The following RBFOX1 variants were observed in gnomAD, a reference collection of about 807,000 sequenced individuals.
RBFOX1 encodes RNA binding protein fox-1 homolog 1.
RBFOX1 carries 8 observed loss-of-function variants against 57.7 expected under a neutral mutation model. The ratio of observed to expected loss-of-function variants is 0.14; its 90% CI spans 0.08 to 0.25. The LOEUF is 0.25. Ranked by LOEUF, RBFOX1 falls within the 10% of genes least tolerant of loss-of-function variation. The pLI is 1.00. For synonymous variants in RBFOX1, 326 were observed against 222.4 expected, an observed-to-expected ratio of 1.47 and a Z score of -4.15; for missense variants, 611 against 548.5, an observed-to-expected ratio of 1.11 and a Z score of -1.14.
intron 3 of RBFOX1, among the ~76,000 whole-genome samples, chr16:6,678,003 C>G (rs1456964825): frequency 6.6e-6 from 1 of 152,158 alleles, no homozygotes; most frequent in African/African-American, 2.4e-5. Flanking sequence ...GTTACATTTT[C>G]TAGTAGCAAC....
chr16:6,452,868 A>G (rs1182813704), intron 2 of RBFOX1, among the ~76,000 whole-genome samples: 2 of 152,150 alleles, frequency 1.3e-5, no homozygotes, highest in East Asian at 3.9e-4. Context: ...TCCTGAGTAG[A>G]TATAAGATGG....
chr16:7,002,783 G>A lies in RBFOX1; in HGVS notation c.-15-49274G>A, dbSNP rs147710423. ...GCTTAAAATACACTTCCTGAATGTC[G>A]GCTTTGTTTGAGGAATGTGTTGTGG... On this transcript the variant is annotated intron_variant, in intron 3 of 15. Transcript: ENST00000550418. 5.2e-4 allele frequency among the ~76,000 whole-genome samples: 79 copies of A among 152,216 alleles called. No individual in the cohort carries two copies. In the East Asian group the frequency reaches 0.014, roughly 26 times the overall value.
intron 4 of RBFOX1, among the ~76,000 whole-genome samples, chr16:7,247,026 C>T (rs957048786): frequency 6.6e-6 from 1 of 152,126 alleles, no homozygotes; most frequent in Admixed American, 6.5e-5. Flanking sequence ...TGGCAGGTAA[C>T]AGTGAGCACT....
chr16:7,155,486 C>G (rs996161202), intron 4 of RBFOX1, among the ~76,000 whole-genome samples: 2 of 151,178 alleles, frequency 1.3e-5, no homozygotes, highest in Non-Finnish European at 2.9e-5. Flanking sequence ...GTCTCAGCTC[C>G]TTGGGAGGCT....
chr16:6,607,146 C>T (rs547892829), intron 2 of RBFOX1, among the ~76,000 whole-genome samples: 2 of 152,178 alleles, frequency 1.3e-5, no homozygotes, highest in Non-Finnish European at 1.5e-5. Flanking sequence ...TGCATTTTAG[C>T]AAGCTTCCTA....
rs541759578 is a variant in RBFOX1, at chr16:5,521,285, C to G, written c.258+54031C>G. Among the ~76,000 whole-genome samples, 10 of 151,324 alleles carry G rather than the reference C, an allele frequency of 6.6e-5. No homozygotes were observed. The East Asian group carries it at 1.9e-3, about 29-fold the overall frequency. Reference sequence around the variant, plus strand: ...TGCCCAGTGCTTTCTCAAGGGAGGCCCCTCAAGTTTGCACAACTGCTGCCC... The same window carrying G: ...TGCCCAGTGCTTTCTCAAGGGAGGCGCCTCAAGTTTGCACAACTGCTGCCC... On this transcript the variant is annotated intron_variant, in intron 2 of 2. Coordinates refer to the RBFOX1 transcript ENST00000585867.
chr16:6,059,282 A>C (rs1180236591), intron 1 of RBFOX1: 2 of 152,222 alleles, frequency 1.3e-5, no homozygotes, highest in Admixed American at 6.5e-5. Flanking sequence ...TTCCCTAAGC[A>C]GTGGCCATTA....
At chr16:6,868,448 A>T (rs1440134841) in intron 3 of RBFOX1, among the ~76,000 whole-genome samples, 1 of 151,878 alleles carries the variant, frequency 6.6e-6, no homozygotes, top group Non-Finnish European at 1.5e-5. Flanking sequence ...GGAAAGTCAC[A>T]TTCAAGCCAG....
chr16:7,292,281 CATATATCATATATG>C (rs1307094888), intron 4 of RBFOX1, among the ~76,000 whole-genome samples: 37 of 121,492 alleles, frequency 3.0e-4, no homozygotes, highest in Admixed American at 7.6e-4. Context: ...TATTATATAT[CATATATCATATATG>C]ATATATGATA....
At chr16:5,698,799 C>G (rs1029960838) in intron 3 of RBFOX1, among the ~76,000 whole-genome samples, 3 of 152,106 alleles carry the variant, frequency 2.0e-5, no homozygotes, top group Non-Finnish European at 4.4e-5. Flanking sequence ...ATAGGCTACA[C>G]CATGAATGAA....
At chr16:7,143,945 A>C (rs564095723) in intron 4 of RBFOX1, among the ~76,000 whole-genome samples, 1 of 152,262 alleles carries the variant, frequency 6.6e-6, no homozygotes, top group East Asian at 1.9e-4. Flanking sequence ...TAATCTTGTT[A>C]GTTTTTTTTC....
chr16:6,003,263 A>G (rs1168925831), intron 4 of RBFOX1, among the ~76,000 whole-genome samples: 9 of 147,638 alleles, frequency 6.1e-5, no homozygotes, highest in Non-Finnish European at 1.3e-4. Flanking sequence ...TGGGCGACAG[A>G]GAGCAAGACT....
chr16:6,873,454 T>A (rs960919251), intron 3 of RBFOX1, among the ~76,000 whole-genome samples: 1 of 152,178 alleles, frequency 6.6e-6, no homozygotes, highest in African/African-American at 2.4e-5. Flanking sequence ...TTTCAATTTT[T>A]CAGTTTTATG....
chr16:7,477,221 A>G (rs1345151444), intron 4 of RBFOX1, among the ~76,000 whole-genome samples: 1 of 152,174 alleles, frequency 6.6e-6, no homozygotes, highest in African/African-American at 2.4e-5. Flanking sequence ...TGGGTTGTTC[A>G]GGGTAGAAAT....
intron 2 of RBFOX1, among the ~76,000 whole-genome samples, chr16:6,539,806 GACACACACACACAC>G (rs35407844): frequency 2.9e-5 from 4 of 136,234 alleles, no homozygotes; most frequent in Non-Finnish European, 6.4e-5. Context: ...TCAAAACACA[GACACACACACACAC>G]ACACACACAC....
chr16:6,962,471 C>G (rs9788934), intron 3 of RBFOX1, among the ~76,000 whole-genome samples: 1 of 151,878 alleles, frequency 6.6e-6, no homozygotes, highest in Non-Finnish European at 1.5e-5. Context: ...ATAAAGCAGC[C>G]TGGTTTAATA....
intron 2 of RBFOX1, among the ~76,000 whole-genome samples, chr16:5,520,669 A>G (rs191016846): frequency 4.3e-4 from 66 of 152,318 alleles, no homozygotes; most frequent in African/African-American, 1.5e-3. Flanking sequence ...TTCTGAAAAG[A>G]GACTGTATAT....
chr16:5,255,137 T>C (rs1380759942), intron 1 of RBFOX1, among the ~76,000 whole-genome samples: 2 of 152,140 alleles, frequency 1.3e-5, no homozygotes, highest in African/African-American at 4.8e-5. Context: ...GTCAATAAAG[T>C]GTTCTGAGGG....
intron 4 of RBFOX1, among the ~76,000 whole-genome samples, chr16:5,998,950 C>T (rs1302896491): frequency 6.6e-6 from 1 of 152,090 alleles, no homozygotes. Flanking sequence ...ACATACTGGA[C>T]TATCTGCATT....
Sources: gnomAD v4.1 joint callset for allele counts (sites outside exome capture counted in the v4.1 genomes callset) on GRCh38, gnomAD v4.1.1 for gene constraint, MANE v1.5 for transcripts, NCBI Gene and HGNC (gene_info 2026-07-23, HGNC 2026-07-21) for gene names.